Variants in GPD2 observed in about 807,000 individuals in gnomAD.
GPD2 encodes the protein glycerol-3-phosphate dehydrogenase 2.
A neutral mutation model predicts 82.4 loss-of-function variants in GPD2; 54 were observed. The observed-to-expected ratio is 0.66, with a 90% confidence interval of 0.53 to 0.82. The LOEUF (loss-of-function observed/expected upper bound fraction) is 0.82. Among genes scored for constraint, GPD2 ranks in the 40% least tolerant of loss-of-function variants. GPD2 has a pLI of 0.00. For synonymous variants in GPD2, 288 were observed against 306.1 expected (o/e 0.94, Z 0.62); for missense variants, 748 against 896.2 (o/e 0.83, Z 2.11).
intron 3 of GPD2, among the ~76,000 whole-genome samples, chr2:156,498,117 T>G (rs1684450127): frequency 1.3e-5 from 2 of 152,228 alleles, no homozygotes; most frequent in Non-Finnish European, 2.9e-5. Flanking sequence ...TCTTGGTATC[T>G]GCAGGCATTT....
chr2:156,575,795 G>A (rs1271421607), intron 13 of GPD2, among the ~76,000 whole-genome samples: 2 of 152,126 alleles, frequency 1.3e-5, no homozygotes, highest in Non-Finnish European at 2.9e-5. Context: ...TATGATATCT[G>A]TAAAATTGGT....
upstream of GPD2, among the ~76,000 whole-genome samples, chr2:156,431,996 C>T (rs947058889): frequency 3.3e-5 from 5 of 150,390 alleles, no homozygotes; most frequent in South Asian, 4.2e-4. Context: ...AAGCAATTCT[C>T]CTACCTCAGC....
intron 8 of GPD2, among the ~76,000 whole-genome samples, chr2:156,551,208 AT>A (rs148465966): frequency 0.66 from 99,692 of 151,714 alleles, 33,338 homozygotes; most frequent in Middle Eastern, 0.81. Context: ...ATTAAAAAAA[AT>A]ATTGTAGCAA....
intron 6 of GPD2, among the ~76,000 whole-genome samples, chr2:156,537,237 T>C (rs3769358): frequency 0.7 from 106,792 of 152,030 alleles, 37,677 homozygotes; most frequent in Middle Eastern, 0.82. Context: ...AGGATTGACT[T>C]AGGATTGACT....
At chr2:156,519,212 G>T (rs935525528) in intron 6 of GPD2, among the ~76,000 whole-genome samples, 20 of 148,158 alleles carry the variant, frequency 1.3e-4, no homozygotes, top group African/African-American at 4.7e-4. Flanking sequence ...AATTTTTTTG[G>T]GGGGGGGCCA....
chr2:156,453,751 C>T (rs1242013200), intron 1 of GPD2, among the ~76,000 whole-genome samples: 1 of 152,164 alleles, frequency 6.6e-6, no homozygotes, highest in African/African-American at 2.4e-5. Flanking sequence ...GTGGCACATG[C>T]CTGTGATCCC....
At chr2:156,461,227 G>C (rs1682977592) in intron 1 of GPD2, among the ~76,000 whole-genome samples, 1 of 147,542 alleles carries the variant, frequency 6.8e-6, no homozygotes, top group Non-Finnish European at 1.5e-5. Context: ...GGAGTGCAGT[G>C]GTGGGATCTC....
chr2:156,517,974 GTC>G (rs555532251), intron 6 of GPD2, among the ~76,000 whole-genome samples: 55 of 152,280 alleles, frequency 3.6e-4, no homozygotes, highest in African/African-American at 1.3e-3. Context: ...TGACAGAGAT[GTC>G]TGTTGTTTCA....
intron 1 of GPD2, among the ~76,000 whole-genome samples, chr2:156,448,400 C>A (rs1377702870): frequency 7.2e-5 from 11 of 152,226 alleles, no homozygotes; most frequent in Non-Finnish European, 1.0e-4. Flanking sequence ...GCGTGAGCCA[C>A]TGCGCCTGGC....
At chr2:156,449,539 A>AT (rs1682479276) in intron 1 of GPD2, among the ~76,000 whole-genome samples, 2 of 152,224 alleles carry the variant, frequency 1.3e-5, no homozygotes, top group African/African-American at 4.8e-5. Flanking sequence ...AATATGCAAT[A>AT]TTTTTTCACC....
At chr2:156,450,682 T>TTTTTTTA (rs3055086) in intron 1 of GPD2, among the ~76,000 whole-genome samples, 15 of 112,418 alleles carry the variant, frequency 1.3e-4, no homozygotes, top group African/African-American at 4.9e-4. Context: ...TTTTTTTTTT[T>TTTTTTTA]ATTGCTCATT....
intron 4 of GPD2, 152 bp from the exon 5 acceptor site, chr2:156,512,068 A>T: frequency 3.0e-6 from 2 of 660,370 alleles, no homozygotes; most frequent in Non-Finnish European, 5.6e-6. Flanking sequence ...TGACAGCATG[A>T]TGTATTATTA....
intron 9 of GPD2, among the ~76,000 whole-genome samples, chr2:156,560,313 A>G (rs1248389601): frequency 2.0e-5 from 3 of 152,200 alleles, no homozygotes; most frequent in African/African-American, 7.2e-5. Context: ...TTGGTCCATA[A>G]AAGTCTTTTC....
chr2:156,400,751 G>C, the GPD2 span, among the ~76,000 whole-genome samples: 2 of 152,222 alleles, frequency 1.3e-5, no homozygotes, highest in African/African-American at 4.8e-5. Flanking sequence ...ATGGACACCA[G>C]AAATATGCTT....
chr2:156,505,918 G>C (rs945799581), intron 3 of GPD2, among the ~76,000 whole-genome samples: 1 of 152,140 alleles, frequency 6.6e-6, no homozygotes, highest in Non-Finnish European at 1.5e-5. Flanking sequence ...AAACAATTTG[G>C]ATTTTTGAGA....
intron 3 of GPD2, among the ~76,000 whole-genome samples, chr2:156,497,398 C>T (rs764490625): frequency 2.6e-5 from 4 of 152,078 alleles, no homozygotes; most frequent in Non-Finnish European, 5.9e-5. Flanking sequence ...GAGAAGGACT[C>T]CACTGTGGTA....
At chr2:156,401,159 G>A in the GPD2 span, among the ~76,000 whole-genome samples, 2 of 152,142 alleles carry the variant, frequency 1.3e-5, no homozygotes, top group South Asian at 2.1e-4. Flanking sequence ...CATTGGCCGG[G>A]AATCGAACCC....
upstream of GPD2, among the ~76,000 whole-genome samples, chr2:156,430,332 T>C (rs975204981): frequency 6.6e-6 from 1 of 151,712 alleles, no homozygotes; most frequent in African/African-American, 2.4e-5. Context: ...TTTGGTGGAA[T>C]GAAACAAAAG....
At chr2:156,506,089 C>A (rs1261611615) in intron 3 of GPD2, among the ~76,000 whole-genome samples, 1 of 152,114 alleles carries the variant, frequency 6.6e-6, no homozygotes, top group Non-Finnish European at 1.5e-5. Flanking sequence ...ATTTTATTTT[C>A]CTCCTTTCTA....
Sources: gnomAD v4.1 joint callset for allele counts (sites outside exome capture counted in the v4.1 genomes callset) on GRCh38, gnomAD v4.1.1 for gene constraint, MANE v1.5 for transcripts, NCBI Gene and HGNC (gene_info 2026-07-23, HGNC 2026-07-21) for gene names.